ARHGAP28: variants seen among roughly 807,000 people sequenced by gnomAD.
ARHGAP28 encodes Rho GTPase activating protein 28, also known as rho GTPase-activating protein 28.
Under a neutral mutation model 90.7 loss-of-function variants are expected in ARHGAP28, and 56 were observed. That is an observed-to-expected ratio of 0.62 (90% confidence interval 0.50 to 0.77). ARHGAP28 has a LOEUF of 0.77. Among genes scored for constraint, ARHGAP28 ranks in the 30% least tolerant of loss-of-function variants. The pLI is 0.00. For synonymous variants in ARHGAP28, 308 were observed against 323.3 expected, an observed-to-expected ratio of 0.95 and a Z score of 0.51; for missense variants, 869 against 900.9, an observed-to-expected ratio of 0.96 and a Z score of 0.45.
intron 5 of ARHGAP28, among the ~76,000 whole-genome samples, chr18:6,862,457 C>G (rs932178509): frequency 6.6e-6 from 1 of 152,196 alleles, no homozygotes; most frequent in Non-Finnish European, 1.5e-5. Context: ...CATAAGATAG[C>G]CATGACCTAA....
chr18:6,744,357 G>C (rs898094295), intron 1 of ARHGAP28, among the ~76,000 whole-genome samples: 1 of 152,136 alleles, frequency 6.6e-6, no homozygotes, highest in African/African-American at 2.4e-5. Context: ...GGGTCAGACT[G>C]TACTCAGTGA....
At position 6,887,169 on chromosome 18, in the gene ARHGAP28, T is replaced by A; in HGVS notation, c.1466T>A (p.Val489Asp). Residue 489 changes from valine to aspartate, a missense_variant, in exon 12 of 18, where the codon GTC (valine) becomes GAC (aspartate). Coordinates refer to ENST00000383472, the MANE Select transcript of ARHGAP28 (RefSeq NM_001366230.1). ...GTTTTCTTGTTAGGAGGGCCTCACG[T>A]CAAAGTACAGTTTCAAGCCTTACAC... ...FISLMERGPHVKVQFQALHLM... is the reference protein window; with the variant it reads ...FISLMERGPHDKVQFQALHLM... The A allele has an allele frequency of 1.2e-6, 2 of 1,614,130 alleles. No individual in the cohort carries two copies. The highest frequency in any genetic ancestry group is 2.2e-5 in the South Asian group (2 of 91,084).
At position 6,913,363 on chromosome 18, in the gene ARHGAP28, G is replaced by A. The variant is rs1258831391; in HGVS notation, c.*1209G>A. 1 of 152,132 alleles carries A rather than the reference G, an allele frequency of 6.6e-6. No individual in the cohort carries two copies. Among genetic ancestry groups the A allele is most frequent in the African/African-American group, 2.4e-5 (1 of 41,416 alleles). 9.4% of individuals were successfully genotyped at this position (152,132 alleles called of 1,614,324 possible). A position where few individuals can be genotyped will look rare whatever the true frequency, so the allele number is the denominator to read the frequency against. ...CAGCTCTGACTTTCCTCGAGACTAT[G>A]GATATAGTCCTTCTCAGATTAGCTG... On this transcript the variant is annotated 3_prime_UTR_variant, in exon 18 of 18. Transcript: ENST00000383472.
chr18:6,862,066 C>T (rs1194459960), intron 5 of ARHGAP28, among the ~76,000 whole-genome samples: 3 of 152,056 alleles, frequency 2.0e-5, no homozygotes, highest in African/African-American at 7.2e-5. Flanking sequence ...CTTGACTTAC[C>T]TTGGATTGTT....
chr18:6,822,162 A>G (rs2056631249), intron 1 of ARHGAP28, among the ~76,000 whole-genome samples: 1 of 152,188 alleles, frequency 6.6e-6, no homozygotes, highest in Non-Finnish European at 1.5e-5. Context: ...ATACAATTGT[A>G]TATTAGACGT....
intron 16 of ARHGAP28, among the ~76,000 whole-genome samples, chr18:6,902,570 T>G (rs1385360278): frequency 1.3e-5 from 2 of 152,204 alleles, no homozygotes; most frequent in African/African-American, 4.8e-5. Flanking sequence ...GTGGTCCTCC[T>G]TTAACTTATG....
At chr18:6,886,649 C>A (rs539150609) in intron 11 of ARHGAP28, among the ~76,000 whole-genome samples, 17 of 152,198 alleles carry the variant, frequency 1.1e-4, no homozygotes, top group Non-Finnish European at 1.6e-4. Context: ...GAGGTAGATA[C>A]AATGACTATT....
At chr18:6,840,600 C>T (rs879595720) in intron 3 of ARHGAP28, among the ~76,000 whole-genome samples, 1 of 152,096 alleles carries the variant, frequency 6.6e-6, no homozygotes, top group Admixed American at 6.6e-5. Context: ...CAAAAGAGGG[C>T]CTAACAGGGT....
At chr18:6,844,283 G>A (rs759517943) in intron 3 of ARHGAP28, among the ~76,000 whole-genome samples, 9 of 152,164 alleles carry the variant, frequency 5.9e-5, no homozygotes, top group African/African-American at 1.4e-4. Flanking sequence ...TGAAGAAGAC[G>A]ATGTAGGTGG....
chr18:6,762,755 A>G (rs2056171851), intron 1 of ARHGAP28, among the ~76,000 whole-genome samples: 1 of 152,100 alleles, frequency 6.6e-6, no homozygotes, highest in South Asian at 2.1e-4. Context: ...ACAGCCATCT[A>G]TGAGCCAAGG....
chr18:6,862,326 C>T (rs1009454252), intron 5 of ARHGAP28, among the ~76,000 whole-genome samples: 12 of 152,126 alleles, frequency 7.9e-5, no homozygotes, highest in African/African-American at 2.7e-4. Context: ...CCTCTCCTGC[C>T]AGGCTAAATT....
intron 3 of ARHGAP28, among the ~76,000 whole-genome samples, chr18:6,838,027 T>C (rs1258620435): frequency 6.6e-6 from 1 of 152,244 alleles, no homozygotes; most frequent in Non-Finnish European, 1.5e-5. Context: ...CATGTTTTCC[T>C]ATGTCTACAT....
At chr18:6,861,888 G>C (rs2057001467) in intron 5 of ARHGAP28, among the ~76,000 whole-genome samples, 1 of 152,140 alleles carries the variant, frequency 6.6e-6, no homozygotes, top group African/African-American at 2.4e-5. Context: ...GAAAGAAAAG[G>C]GTCTTGTGTG....
At chr18:6,797,897 T>G (rs1331876418) in intron 1 of ARHGAP28, among the ~76,000 whole-genome samples, 1 of 152,132 alleles carries the variant, frequency 6.6e-6, no homozygotes, top group Non-Finnish European at 1.5e-5. Context: ...CCTCACCTTG[T>G]GATCCGCCTG....
At position 6,896,502 on chromosome 18, in the gene ARHGAP28, T is replaced by C; in HGVS notation, c.1906T>C (p.Ser636Pro). ...GTACTGAATTTCTCCTCCTTGGCAGTCTGACGTGCCGGAAGGAGTCATACG... is the reference window on the plus strand; with the variant it reads ...GTACTGAATTTCTCCTCCTTGGCAGCCTGACGTGCCGGAAGGAGTCATACG... ...LQKSPSARRM[S>P]DVPEGVIRVH... The change falls in exon 16 of 18, where the codon TCT (serine) becomes CCT (proline). Residue 636 changes from serine to proline, a missense_variant and splice_region_variant. Coordinates refer to ENST00000383472, the MANE Select transcript of ARHGAP28 (RefSeq NM_001366230.1). 2 of 1,614,066 alleles carry C rather than the reference T, an allele frequency of 1.2e-6. No homozygotes were observed. Among genetic ancestry groups the C allele is most frequent in the Non-Finnish European group, 8.5e-7 (1 of 1,179,948 alleles).
intron 16 of ARHGAP28, among the ~76,000 whole-genome samples, chr18:6,903,112 A>G (rs1001722818): frequency 6.6e-6 from 1 of 152,196 alleles, no homozygotes; most frequent in African/African-American, 2.4e-5. Flanking sequence ...AATCATAGAG[A>G]CAGAATAGAA....
In ARHGAP28 at chr18:6,886,453, G is replaced by A. The variant is rs77668177; in HGVS notation, c.1454-704G>A. Among the ~76,000 whole-genome samples, 282 of 152,200 alleles carry A rather than the reference G, an allele frequency of 1.9e-3. 2 individuals carry two copies. The highest frequency in any genetic ancestry group is 6.6e-3 in the African/African-American group (276 of 41,540). ...GCCATCTTGTGTCATTACTGAGGAA[G>A]AAAATACTCAACAATCTCCAAAGAT... On this transcript the variant is annotated intron_variant, in intron 11 of 17. Transcript: ENST00000383472.
intron 3 of ARHGAP28, among the ~76,000 whole-genome samples, chr18:6,846,811 G>A (rs1023035436): frequency 2.6e-5 from 4 of 152,124 alleles, no homozygotes; most frequent in East Asian, 1.9e-4. Flanking sequence ...TCTTTACCCC[G>A]TTGGTGAGGG....
chr18:6,745,747 A>C (rs1265699711), intron 1 of ARHGAP28, among the ~76,000 whole-genome samples: 1 of 152,218 alleles, frequency 6.6e-6, no homozygotes. Context: ...TTCGCTCATC[A>C]TAATGGTTTC....
Sources: gnomAD v4.1 joint callset for allele counts (sites outside exome capture counted in the v4.1 genomes callset) on GRCh38, gnomAD v4.1.1 for gene constraint, MANE v1.5 for transcripts, NCBI Gene and HGNC (gene_info 2026-07-23, HGNC 2026-07-21) for gene names.